Variants in JAKMIP2 observed in about 807,000 individuals in gnomAD.
JAKMIP2 encodes janus kinase and microtubule-interacting protein 2.
In JAKMIP2, 25 loss-of-function variants were observed where a neutral mutation model predicts 115.0. The ratio of observed to expected loss-of-function variants is 0.22; its 90% confidence interval spans 0.16 to 0.30. The LOEUF (loss-of-function observed/expected upper bound fraction) is 0.30, where lower values mean the gene tolerates loss of function less well. Among genes scored for constraint, JAKMIP2 ranks in the 10% least tolerant of loss-of-function variants. JAKMIP2 has a pLI of 1.00. For missense variants in JAKMIP2, 642 were observed against 957.6 expected (o/e 0.67, Z 4.35); for synonymous variants, 334 against 343.6 (o/e 0.97, Z 0.31).
intron 16 of JAKMIP2, 44 bp downstream of exon 16, chr5:147,628,707 A>T (rs758406321): frequency 6.7e-7 from 1 of 1,486,440 alleles, no homozygotes; most frequent in Non-Finnish European, 9.4e-7. Context: ...TTCAGTATTA[A>T]GCCAGACACC....
chr5:147,781,593 A>ATGCAAATT (rs1755758807), intron 1 of JAKMIP2, among the ~76,000 whole-genome samples: 2 of 152,210 alleles, frequency 1.3e-5, no homozygotes, highest in African/African-American at 4.8e-5. Context: ...ATTTGCATCT[A>ATGCAAATT]GTTCTATGAC....
chr5:147,714,995 A>C (rs147092841), intron 1 of JAKMIP2, among the ~76,000 whole-genome samples: 46 of 152,340 alleles, frequency 3.0e-4, no homozygotes, highest in African/African-American at 9.4e-4. Flanking sequence ...ATATGAAAAT[A>C]TACATAATTA....
chr5:147,630,710 G>A (rs1479104763), intron 14 of JAKMIP2, among the ~76,000 whole-genome samples: 1 of 152,046 alleles, frequency 6.6e-6, no homozygotes, highest in East Asian at 1.9e-4. Flanking sequence ...GAGCAGGAAG[G>A]GCCATGCAGA....
Position 147,655,555 on chromosome 5 carries a change from A to G in JAKMIP2, c.628-5008T>C, listed in dbSNP as rs561107265. 8.5e-5 allele frequency among the ~76,000 whole-genome samples: 13 copies of G among 152,116 alleles called. No homozygotes were observed. The South Asian group carries it at 2.7e-3, about 32-fold the overall frequency. ...TGGAGTTAGTGGTGATAGCTCTTTT[A>G]TCATTTTTTATTGTGTCTATTTGGT... On this transcript the variant is annotated intron_variant, in intron 3 of 21. Coordinates refer to ENST00000616793, the MANE Select transcript of JAKMIP2 (RefSeq NM_001270941.2).
chr5:147,597,214 A>G (rs899887653), intron 21 of JAKMIP2, among the ~76,000 whole-genome samples: 3 of 152,110 alleles, frequency 2.0e-5, no homozygotes, highest in Non-Finnish European at 4.4e-5. Context: ...GACGAATATA[A>G]TAGAGACTGG....
intron 21 of JAKMIP2, among the ~76,000 whole-genome samples, chr5:147,595,903 T>C (rs911538369): frequency 2.6e-5 from 4 of 152,084 alleles, no homozygotes; most frequent in Non-Finnish European, 4.4e-5. Flanking sequence ...AAATGTGTAT[T>C]TATATATATA....
At position 147,641,834 on chromosome 5, in the gene JAKMIP2, A is replaced by G. The variant is rs570621569; in HGVS notation, c.1225-70T>C. 17 of 1,296,134 alleles carry G rather than the reference A, an allele frequency of 1.3e-5. No individual in the cohort carries two copies. The African/African-American group carries it at 2.0e-4, about 16-fold the overall frequency. The allele number at this position is 1,296,134 out of a possible 1,614,324, so 80.3% of individuals were successfully genotyped here. On this transcript the variant is annotated intron_variant, in intron 7 of 21. Transcript: ENST00000616793. ...TTTCTTTATAGTTTTTTGCAAAGAC[A>G]GAGTGTTCTTTCCCATAAGGCATTA...
chr5:147,676,337 A>G (rs1759963490), intron 1 of JAKMIP2, among the ~76,000 whole-genome samples: 1 of 152,210 alleles, frequency 6.6e-6, no homozygotes, highest in Admixed American at 6.5e-5. Context: ...CTCCGTCTCA[A>G]AAAATAAAAT....
chr5:147,631,906 A>G (rs1757372745), intron 13 of JAKMIP2, among the ~76,000 whole-genome samples: 1 of 152,212 alleles, frequency 6.6e-6, no homozygotes, highest in African/African-American at 2.4e-5. Flanking sequence ...GGGCTACAAA[A>G]GAATGACTCT....
intron 1 of JAKMIP2, among the ~76,000 whole-genome samples, chr5:147,757,829 A>G (rs909446376): frequency 6.6e-6 from 1 of 152,164 alleles, no homozygotes; most frequent in African/African-American, 2.4e-5. Flanking sequence ...TTAAAGTATT[A>G]TGATAATATT....
At chr5:147,759,702 G>C (rs912102383) in intron 1 of JAKMIP2, among the ~76,000 whole-genome samples, 6 of 152,160 alleles carry the variant, frequency 3.9e-5, no homozygotes, top group Non-Finnish European at 7.4e-5. Flanking sequence ...AAGGTAAGGA[G>C]AAGTGCAAGT....
chr5:147,682,791 A>G (rs182728336), intron 1 of JAKMIP2, among the ~76,000 whole-genome samples: 1 of 152,326 alleles, frequency 6.6e-6, no homozygotes, highest in African/African-American at 2.4e-5. Flanking sequence ...ATGTAACACT[A>G]GAATAAACAA....
chr5:147,660,254 A>G (rs2126778000), intron 3 of JAKMIP2, among the ~76,000 whole-genome samples: 1 of 152,282 alleles, frequency 6.6e-6, no homozygotes, highest in South Asian at 2.1e-4. Flanking sequence ...GTTTTTGGTC[A>G]AACATGTTAG....
At chr5:147,650,912 GA>G (rs1205590257) in intron 3 of JAKMIP2, among the ~76,000 whole-genome samples, 1 of 152,076 alleles carries the variant, frequency 6.6e-6, no homozygotes, top group African/African-American at 2.4e-5. Flanking sequence ...TGTTTCCTAG[GA>G]CATTTTTTGA....
chr5:147,621,832 G>A (rs1004133795), intron 17 of JAKMIP2, among the ~76,000 whole-genome samples: 1 of 152,104 alleles, frequency 6.6e-6, no homozygotes, highest in Non-Finnish European at 1.5e-5. Context: ...ACGTTTTCTA[G>A]TTATAATGAT....
intron 1 of JAKMIP2, among the ~76,000 whole-genome samples, chr5:147,678,144 C>T (rs1760072029): frequency 6.6e-6 from 1 of 152,150 alleles, no homozygotes; most frequent in Admixed American, 6.5e-5. Flanking sequence ...GCTGGGATTA[C>T]AGGCATGCGC....
chr5:147,716,204 A>G (rs1209242230), intron 1 of JAKMIP2, among the ~76,000 whole-genome samples: 6 of 128,918 alleles, frequency 4.7e-5, no homozygotes, highest in Admixed American at 8.1e-5. Context: ...ATAGTATTCC[A>G]TGGTGTATAT....
chr5:147,744,352 G>A (rs992898431), intron 1 of JAKMIP2, among the ~76,000 whole-genome samples: 2 of 152,058 alleles, frequency 1.3e-5, no homozygotes, highest in Non-Finnish European at 2.9e-5. Context: ...ACACCATTAA[G>A]ATCACACCCA....
At chr5:147,770,861 C>T (rs190587640) in intron 1 of JAKMIP2, among the ~76,000 whole-genome samples, 6 of 151,992 alleles carry the variant, frequency 3.9e-5, no homozygotes, top group African/African-American at 1.4e-4. Flanking sequence ...AAAAGTGAAT[C>T]CTGGATTACA....
Sources: gnomAD v4.1 joint callset for allele counts (sites outside exome capture counted in the v4.1 genomes callset) on GRCh38, gnomAD v4.1.1 for gene constraint, MANE v1.5 for transcripts, NCBI Gene and HGNC (gene_info 2026-07-23, HGNC 2026-07-21) for gene names.